Variants in CLIP1 observed in about 807,000 individuals in gnomAD.
CLIP1 encodes the protein CAP-Gly domain containing linker protein 1.
CLIP1 carries 66 observed loss-of-function variants against 161.6 expected under a neutral mutation model. That is an observed-to-expected ratio of 0.41 (90% confidence interval 0.33 to 0.50). CLIP1 has a LOEUF of 0.50. CLIP1 is among the 20% of genes least tolerant of loss of function. The pLI, the probability that CLIP1 is intolerant of heterozygous loss-of-function variation, is 0.27. For missense variants in CLIP1, 1,376 were observed against 1,702.0 expected (o/e 0.81, Z 3.37); for synonymous variants, 598 against 626.2 (o/e 0.96, Z 0.67).
Position 122,278,134 on chromosome 12 carries a change from C to T in CLIP1, c.3966+20G>A. ...TTTGAAAAACAGCAAGAAAGTAAAG[C>T]AATAAGGCAGGAACATTACCTGACT... On this transcript the variant is annotated intron_variant, in intron 24 of 25. Coordinates refer to ENST00000620786, the MANE Select transcript of CLIP1 (RefSeq NM_001247997.2). 6.3e-7 allele frequency: 1 copy of T among 1,596,676 alleles called. No homozygotes were observed. The highest frequency in any genetic ancestry group is 8.5e-7 in the Non-Finnish European group (1 of 1,172,860).
intron 1 of CLIP1, among the ~76,000 whole-genome samples, chr12:122,392,154 C>T (rs969027822): frequency 1.3e-5 from 2 of 152,050 alleles, no homozygotes; most frequent in Non-Finnish European, 2.9e-5. Flanking sequence ...GCCTATAGAG[C>T]GAGCTACTCA....
chr12:122,278,331 A>G, intron 23 of CLIP1, 128 bp from the exon 24 acceptor site: 1 of 836,136 alleles, frequency 1.2e-6, no homozygotes, highest in East Asian at 2.4e-5. Flanking sequence ...TCCCAGATGC[A>G]CCACTTTCAG....
intron 19 of CLIP1, 134 bp from the exon 20 acceptor site, chr12:122,310,016 C>T (rs1296472712): frequency 1.0e-5 from 10 of 958,204 alleles, no homozygotes; most frequent in East Asian, 2.6e-5. Flanking sequence ...TAACAGCAGA[C>T]AGTATTATCT....
At chr12:122,399,037 C>A (rs1395628888) in intron 1 of CLIP1, among the ~76,000 whole-genome samples, 4 of 149,594 alleles carry the variant, frequency 2.7e-5, no homozygotes, top group Non-Finnish European at 5.9e-5. Context: ...AAATTATGTT[C>A]ATACAAAAAG....
chr12:122,316,914 GAAC>G (rs896934402), intron 18 of CLIP1, 59 bp from the exon 19 acceptor site: 64 of 991,926 alleles, frequency 6.5e-5, no homozygotes, highest in Non-Finnish European at 9.3e-5. Flanking sequence ...TGACATGAAT[GAAC>G]AAATTATTCA....
At position 122,322,050 on chromosome 12, in the gene CLIP1, C is replaced by T. The variant is rs140510211; in HGVS notation, c.3250-2702G>A. The T allele has an allele frequency of 2.0e-5, 3 of 152,738 alleles. No individual in the cohort carries two copies. In the East Asian group the frequency reaches 5.8e-4, roughly 29 times the overall value. 9.5% of individuals were successfully genotyped at this position (152,738 alleles called of 1,614,324 possible). A position where few individuals can be genotyped will look rare whatever the true frequency, so the allele number is the denominator to read the frequency against. On this transcript the variant is annotated intron_variant, in intron 17 of 25. Coordinates refer to ENST00000620786, the MANE Select transcript of CLIP1 (RefSeq NM_001247997.2). The stretch of plus-strand genomic sequence containing the variant: ...AAATGAAGAAAGATGACCTACACCA[C>T]TTGAGTTAGTGCACAGTGTTAGTAA...
chr12:122,336,821 TAAAC>T (rs1213828502), intron 11 of CLIP1, 73 bp from the exon 12 acceptor site: 2 of 613,290 alleles, frequency 3.3e-6, no homozygotes, highest in Middle Eastern at 2.7e-4. Flanking sequence ...AAGAAAAAAA[TAAAC>T]AAATGTAAAA....
chr12:122,318,552 C>G, intron 18 of CLIP1, among the ~76,000 whole-genome samples: 1 of 152,020 alleles, frequency 6.6e-6, no homozygotes, highest in Non-Finnish European at 1.5e-5. Context: ...AACAACAAAA[C>G]AAAACAAAAA....
At chr12:122,327,254 T>C (rs960746050) in intron 17 of CLIP1, among the ~76,000 whole-genome samples, 1 of 151,996 alleles carries the variant, frequency 6.6e-6, no homozygotes, top group Non-Finnish European at 1.5e-5. Flanking sequence ...GAGACCAGCC[T>C]GGGCAACACA....
rs144066730 is a variant in CLIP1 at position 122,285,889 on chromosome 12, T to C, written c.3647+2600A>G. On this transcript the variant is annotated intron_variant, in intron 21 of 25. Coordinates refer to ENST00000620786, the MANE Select transcript of CLIP1 (RefSeq NM_001247997.2). ...TTAAAAAAGAAACAAAAATCTTATTTATGTAAAATTAAATACCCCGAGGCC... is the reference window on the plus strand; with the variant it reads ...TTAAAAAAGAAACAAAAATCTTATTCATGTAAAATTAAATACCCCGAGGCC... Among the ~76,000 whole-genome samples, 248 of 152,008 alleles carry C rather than the reference T, an allele frequency of 1.6e-3. 2 individuals carry two copies. The highest frequency in any genetic ancestry group is 1.6e-3 in the Non-Finnish European group (112 of 67,978).
intron 24 of CLIP1, chr12:122,276,540 G>T: frequency 8.2e-7 from 1 of 1,218,146 alleles, no homozygotes; most frequent in Non-Finnish European, 1.1e-6. Context: ...AAGCCCAGTA[G>T]ACATACAAAG....
chr12:122,416,683 C>T (rs901208373), intron 1 of CLIP1, among the ~76,000 whole-genome samples: 1 of 151,944 alleles, frequency 6.6e-6, no homozygotes, highest in Non-Finnish European at 1.5e-5. Context: ...GGTAGATCAC[C>T]TGAGGTCAGG....
At chr12:122,300,219 G>A (rs1033124071) in intron 20 of CLIP1, among the ~76,000 whole-genome samples, 4 of 152,156 alleles carry the variant, frequency 2.6e-5, no homozygotes, top group African/African-American at 9.7e-5. Flanking sequence ...GCAGTGAGCT[G>A]TGATTATGTC....
At chr12:122,319,913 C>T (rs971715008) in intron 17 of CLIP1, among the ~76,000 whole-genome samples, 6 of 152,064 alleles carry the variant, frequency 3.9e-5, no homozygotes, top group African/African-American at 9.7e-5. Context: ...AATAAAAACA[C>T]GGCTGTGAAT....
chr12:122,297,218 G>A (rs566297618), intron 20 of CLIP1, among the ~76,000 whole-genome samples: 11 of 152,244 alleles, frequency 7.2e-5, no homozygotes, highest in African/African-American at 2.6e-4. Flanking sequence ...TGGGTACTTG[G>A]TTTTATGTCT....
In CLIP1 at chr12:122,364,086, C is replaced by T. The variant is rs1225111634; in HGVS notation, c.679G>A (p.Val227Ile). Residue 227 changes from valine (V) to isoleucine (I), a missense_variant, in exon 4 of 26, where the codon GTA (valine) becomes ATA (isoleucine). By Grantham distance (29) the Val-to-Ile change is conservative. Coordinates refer to ENST00000620786, the MANE Select transcript of CLIP1 (RefSeq NM_001247997.2). ...RVLVGGTKAG[V>I]VRFLGETDFA... The stretch of plus-strand genomic sequence containing the variant: ...TCGGTCTCCCCAAGAAACCGGACTA[C>T]ACCAGCCTTAGTGCCACCAACCTGG... The T allele has an allele frequency of 5.6e-6, 9 of 1,614,182 alleles. No individual in the cohort carries two copies. Among genetic ancestry groups the T allele is most frequent in the East Asian group, 2.2e-5 (1 of 44,888 alleles).
intron 21 of CLIP1, among the ~76,000 whole-genome samples, chr12:122,282,024 C>T (rs528140944): frequency 6.6e-6 from 1 of 152,234 alleles, no homozygotes; most frequent in South Asian, 2.1e-4. Context: ...ACCAAACAAA[C>T]TCTGCTCATC....
At chr12:122,408,096 C>G (rs1956396907) in intron 1 of CLIP1, among the ~76,000 whole-genome samples, 2 of 151,854 alleles carry the variant, frequency 1.3e-5, no homozygotes, top group Non-Finnish European at 2.9e-5. Context: ...ATTAGCCAGG[C>G]ATGGTGGCGG....
intron 24 of CLIP1, 88 bp from the exon 25 acceptor site, chr12:122,274,250 T>C: frequency 3.4e-6 from 4 of 1,192,192 alleles, no homozygotes; most frequent in Non-Finnish European, 4.8e-6. Flanking sequence ...ACCTTTAAGC[T>C]CTGGCGGCAA....
Sources: gnomAD v4.1 joint callset for allele counts (sites outside exome capture counted in the v4.1 genomes callset) on GRCh38, gnomAD v4.1.1 for gene constraint, MANE v1.5 for transcripts, NCBI Gene and HGNC (gene_info 2026-07-23, HGNC 2026-07-21) for gene names.